The following PLEKHA5 variants were observed in gnomAD, a reference collection of about 807,000 sequenced individuals.
PLEKHA5 encodes pleckstrin homology domain-containing family A member 5.
A neutral mutation model predicts 181.9 loss-of-function variants in PLEKHA5; 55 were observed. The ratio of observed to expected loss-of-function variants is 0.30; its 90% confidence interval spans 0.24 to 0.38. The LOEUF (loss-of-function observed/expected upper bound fraction) is 0.38, where lower values mean the gene tolerates loss of function less well. Among genes scored for constraint, PLEKHA5 ranks in the 10% least tolerant of loss-of-function variants. The pLI is 1.00. For missense variants in PLEKHA5, 1,432 were observed against 1,549.5 expected (o/e 0.92, Z 1.27); for synonymous variants, 535 against 529.4 (o/e 1.01, Z -0.15).
rs1412144556 is a variant in PLEKHA5 at position 19,353,929 on chromosome 12, C to T, written c.3065C>T (p.Pro1022Leu). 3.1e-6 allele frequency: 5 copies of T among 1,611,216 alleles called. No homozygotes were observed. The highest frequency in any genetic ancestry group is 4.2e-6 in the Non-Finnish European group (5 of 1,177,640). The change falls in exon 26 of 32, where the codon CCA (proline) becomes CTA (leucine). Residue 1022 changes from proline (P) to leucine (L), a missense_variant. By Grantham distance (98) the Pro-to-Leu change is moderately conservative. This residue lies in a region of PLEKHA5 where 1,143 missense variants were observed against 1,168.4 expected (regional missense o/e 0.98). Transcript: ENST00000429027. ...VGVVPPRAKS[P>L]TPESSTIASY... ...GTAGTCCCTCCAAGAGCAAAATCACCAACACCCGAATCTTCGACAATAGCT... is the reference window on the plus strand; with the variant it reads ...GTAGTCCCTCCAAGAGCAAAATCACTAACACCCGAATCTTCGACAATAGCT...
intron 21 of PLEKHA5, among the ~76,000 whole-genome samples, chr12:19,339,943 T>G (rs995193186): frequency 6.6e-6 from 1 of 152,160 alleles, no homozygotes; most frequent in Non-Finnish European, 1.5e-5. Flanking sequence ...TGTAAAACTA[T>G]AGTGTTAAAC....
At chr12:19,229,874 AGTT>A (rs976502225) in intron 3 of PLEKHA5, among the ~76,000 whole-genome samples, 2 of 152,004 alleles carry the variant, frequency 1.3e-5, no homozygotes, top group East Asian at 1.9e-4. Context: ...TAGACACAAA[AGTT>A]CTCTAAGTCC....
intron 27 of PLEKHA5, among the ~76,000 whole-genome samples, chr12:19,358,665 G>C (rs1261181206): frequency 6.6e-6 from 1 of 152,118 alleles, no homozygotes; most frequent in South Asian, 2.1e-4. Context: ...ACTAGTTGTG[G>C]ACTTAATGTC....
In PLEKHA5 at chr12:19,317,058, A is replaced by G. The variant is rs143404310; in HGVS notation, c.2118+2164A>G. ...GCAGTAATTTTCTTAAAATTGGTCA[A>G]TTAAAAAAGACTTAAAACTGAATCC... On this transcript the variant is annotated intron_variant, in intron 16 of 31. Transcript: ENST00000429027. 9.5e-4 allele frequency among the ~76,000 whole-genome samples: 144 copies of G among 152,272 alleles called. 1 individual carries two copies. In the East Asian group the frequency reaches 0.022, roughly 23 times the overall value.
At chr12:19,237,934 AATG>A (rs1180146180) in intron 3 of PLEKHA5, among the ~76,000 whole-genome samples, 1 of 151,856 alleles carries the variant, frequency 6.6e-6, no homozygotes, top group Non-Finnish European at 1.5e-5. Flanking sequence ...CATAGGGATG[AATG>A]ATATTATTGT....
intron 3 of PLEKHA5, among the ~76,000 whole-genome samples, chr12:19,241,204 C>G (rs1479512294): frequency 4.0e-5 from 6 of 151,596 alleles, no homozygotes; most frequent in Non-Finnish European, 8.8e-5. Flanking sequence ...ATGGTGAGGA[C>G]TCTATTAGAT....
At chr12:19,353,750 C>T (rs926491477) in intron 25 of PLEKHA5, 134 bp from the exon 26 acceptor site, 52 of 602,766 alleles carry the variant, frequency 8.6e-5, no homozygotes, top group South Asian at 2.2e-4. Flanking sequence ...TGAGCCACCG[C>T]GCCAGGCCAG....
At chr12:19,260,721 A>G (rs568875382) in intron 6 of PLEKHA5, among the ~76,000 whole-genome samples, 1 of 152,012 alleles carries the variant, frequency 6.6e-6, no homozygotes, top group Non-Finnish European at 1.5e-5. Context: ...TTAACCTGGC[A>G]TGGTGGCAGG....
intron 3 of PLEKHA5, among the ~76,000 whole-genome samples, chr12:19,240,833 T>C (rs991181793): frequency 6.6e-6 from 1 of 152,128 alleles, no homozygotes; most frequent in Non-Finnish European, 1.5e-5. Context: ...GAGTTAGGGT[T>C]CTGCCCAGTT....
At chr12:19,254,115 TC>T (rs1337757175) in intron 4 of PLEKHA5, 92 bp downstream of exon 4, 2 of 777,630 alleles carry the variant, frequency 2.6e-6, no homozygotes, top group Non-Finnish European at 2.2e-6. Flanking sequence ...AGTTTTCTTA[TC>T]TGGACATTTG....
intron 3 of PLEKHA5, among the ~76,000 whole-genome samples, chr12:19,137,910 T>C (rs1036806257): frequency 6.6e-6 from 1 of 152,228 alleles, no homozygotes; most frequent in Non-Finnish European, 1.5e-5. Flanking sequence ...GGGGAAAGAA[T>C]AGTCCCCACA....
intron 15 of PLEKHA5, chr12:19,307,105 G>A (rs760952795): frequency 2.4e-4 from 243 of 1,014,574 alleles, no homozygotes; most frequent in Non-Finnish European, 3.5e-4. Flanking sequence ...TATGAGCACT[G>A]TTGGTCCCAA....
intron 3 of PLEKHA5, among the ~76,000 whole-genome samples, chr12:19,208,134 G>A (rs1339155080): frequency 6.6e-6 from 1 of 152,126 alleles, no homozygotes; most frequent in South Asian, 2.1e-4. Context: ...TAGGCCAGGT[G>A]TGGTGGCTCA....
chr12:19,235,028 T>C (rs1166028707), intron 3 of PLEKHA5, among the ~76,000 whole-genome samples: 2 of 152,156 alleles, frequency 1.3e-5, no homozygotes, highest in African/African-American at 4.8e-5. Flanking sequence ...GGATTTGTTT[T>C]CTTTTATTGT....
intron 15 of PLEKHA5, among the ~76,000 whole-genome samples, chr12:19,310,609 CA>C (rs5796796): frequency 0.051 from 5,721 of 111,880 alleles, 141 homozygotes; most frequent in Middle Eastern, 0.077. Context: ...GACTCCCTCT[CA>C]AAAAAAAAAA....
chr12:19,145,098 T>A (rs1458416745), intron 3 of PLEKHA5, among the ~76,000 whole-genome samples: 1 of 152,174 alleles, frequency 6.6e-6, no homozygotes, highest in African/African-American at 2.4e-5. Flanking sequence ...TCAAAGTACC[T>A]ATGCTAGTAA....
intron 20 of PLEKHA5, among the ~76,000 whole-genome samples, chr12:19,335,077 T>C (rs1226355889): frequency 1.4e-5 from 2 of 141,600 alleles, no homozygotes; most frequent in Middle Eastern, 3.4e-3. Flanking sequence ...TCACCCAGGC[T>C]GGAGTGCAGT....
chr12:19,347,861 C>A (rs1191283479), intron 24 of PLEKHA5, among the ~76,000 whole-genome samples: 1 of 150,532 alleles, frequency 6.6e-6, no homozygotes, highest in African/African-American at 2.4e-5. Context: ...TGACTTTGTT[C>A]CTAAGAGGAA....
At chr12:19,204,149 A>G (rs1358655481) in intron 3 of PLEKHA5, among the ~76,000 whole-genome samples, 1 of 152,030 alleles carries the variant, frequency 6.6e-6, no homozygotes, top group Non-Finnish European at 1.5e-5. Flanking sequence ...TTGTGAGGCT[A>G]CTGTTCTCAA....
Sources: gnomAD v4.1 joint callset for allele counts (sites outside exome capture counted in the v4.1 genomes callset) on GRCh38, gnomAD v4.1.1 for gene constraint, gnomAD v4.1.1 regional missense constraint, MANE v1.5 for transcripts, NCBI Gene and HGNC (gene_info 2026-07-23, HGNC 2026-07-21) for gene names.